The following SLC1A2 variants were observed in gnomAD, a reference collection of about 807,000 sequenced individuals.
SLC1A2 encodes solute carrier family 1 member 2.
SLC1A2 carries 15 observed loss-of-function variants against 48.8 expected under a neutral mutation model. That is an observed-to-expected ratio of 0.31 (90% confidence interval 0.21 to 0.47). The LOEUF (loss-of-function observed/expected upper bound fraction) is 0.47, where lower values mean the gene tolerates loss of function less well. SLC1A2 is among the 20% of genes least tolerant of loss of function. The pLI, the probability that SLC1A2 is intolerant of heterozygous loss-of-function variation, is 0.99. For missense variants in SLC1A2, 502 were observed against 730.5 expected, an observed-to-expected ratio of 0.69 and a Z score of 3.61; for synonymous variants, 279 against 272.6, an observed-to-expected ratio of 1.02 and a Z score of -0.23.
At chr11:35,268,210 C>T (rs10444271) in intron 9 of SLC1A2, among the ~76,000 whole-genome samples, 26,953 of 152,080 alleles carry the variant, frequency 0.18, 2,803 homozygotes, top group Admixed American at 0.26. Flanking sequence ...TGACCAATTG[C>T]AAAATTCCAA....
At chr11:35,312,998 A>G (rs1431375859) in intron 3 of SLC1A2, among the ~76,000 whole-genome samples, 1 of 152,196 alleles carries the variant, frequency 6.6e-6, no homozygotes, top group Admixed American at 6.5e-5. Context: ...TCTGTAACAA[A>G]TTTTTTGTCA....
At chr11:35,273,725 CTA>C (rs1215031188) in intron 9 of SLC1A2, among the ~76,000 whole-genome samples, 1 of 152,184 alleles carries the variant, frequency 6.6e-6, no homozygotes, top group African/African-American at 2.4e-5. Flanking sequence ...AGGACTGAGA[CTA>C]TGTTTCATTT....
chr11:35,274,935 G>C (rs1440906528), intron 9 of SLC1A2, among the ~76,000 whole-genome samples: 1 of 152,116 alleles, frequency 6.6e-6, no homozygotes, highest in Non-Finnish European at 1.5e-5. Context: ...TCAAAAAAAA[G>C]TAGAGGTGCT....
At chr11:35,270,477 A>G (rs1209899885) in intron 9 of SLC1A2, among the ~76,000 whole-genome samples, 1 of 152,234 alleles carries the variant, frequency 6.6e-6, no homozygotes, top group Non-Finnish European at 1.5e-5. Flanking sequence ...TAGTGAATTT[A>G]TTTATTCAAC....
At position 35,419,302 on chromosome 11, in the gene SLC1A2, A is replaced by C; in HGVS notation, c.-336T>G. ...GGCTGCAGGAGGGCGCACGCCGGCGATGCGCCCCTGCAGCCGCTGCCACCT... is the reference window on the plus strand; with the variant it reads ...GGCTGCAGGAGGGCGCACGCCGGCGCTGCGCCCCTGCAGCCGCTGCCACCT... On this transcript the variant is annotated 5_prime_UTR_variant, in exon 1 of 11. Coordinates refer to ENST00000278379, the MANE Select transcript of SLC1A2 (RefSeq NM_004171.4). This position sits in a 1 kb window ranked among gnomAD's most constrained non-coding sequence, Gnocchi z 5.4. 2.5e-5 allele frequency: 7 copies of C among 275,068 alleles called. No homozygotes were observed. The highest frequency in any genetic ancestry group is 6.5e-5 in the East Asian group (1 of 15,274). The allele number at this position is 275,068 out of a possible 1,614,324, so 17.0% of individuals were successfully genotyped here.
chr11:35,316,033 T>C (rs1851865861), intron 2 of SLC1A2: 1 of 152,270 alleles, frequency 6.6e-6, no homozygotes, highest in South Asian at 2.1e-4. Flanking sequence ...AATTTCCTCA[T>C]GGCTCACTCT....
chr11:35,347,934 G>T (rs1057509902), intron 1 of SLC1A2, among the ~76,000 whole-genome samples: 1 of 152,214 alleles, frequency 6.6e-6, no homozygotes, highest in Non-Finnish European at 1.5e-5. Context: ...GAAGCTGGTT[G>T]TTGTGAGCTT....
At chr11:35,366,229 A>T (rs539778059) in intron 1 of SLC1A2, among the ~76,000 whole-genome samples, 2 of 152,316 alleles carry the variant, frequency 1.3e-5, no homozygotes, top group South Asian at 4.1e-4. Flanking sequence ...TGCCACGTGA[A>T]TTCCTTTGGA....
At position 35,269,078 on chromosome 11, in the gene SLC1A2, C is replaced by T. The variant is rs540486236; in HGVS notation, c.1422-3320G>A. 9.2e-5 allele frequency among the ~76,000 whole-genome samples: 14 copies of T among 152,276 alleles called. No homozygotes were observed. The South Asian group carries it at 2.7e-3, about 29-fold the overall frequency. On this transcript the variant is annotated intron_variant, in intron 9 of 10. Coordinates refer to ENST00000278379, the MANE Select transcript of SLC1A2 (RefSeq NM_004171.4). ...TGGGACCATTGGGAGGTGATTAGGT[C>T]ACAAGGGTGGAGCCTTCATGAATGG... is the stretch of plus-strand genomic sequence containing the variant.
chr11:35,382,427 T>C (rs1157629939), intron 1 of SLC1A2, among the ~76,000 whole-genome samples: 6 of 152,246 alleles, frequency 3.9e-5, no homozygotes, highest in Non-Finnish European at 7.3e-5. Context: ...AGCTAACTTA[T>C]AATGGAACAT....
At chr11:35,326,135 G>A (rs1852243196) in intron 1 of SLC1A2, among the ~76,000 whole-genome samples, 1 of 152,144 alleles carries the variant, frequency 6.6e-6, no homozygotes, top group Admixed American at 6.5e-5. Context: ...AGGGAAGATG[G>A]AACGAGGAAC....
intron 1 of SLC1A2, among the ~76,000 whole-genome samples, chr11:35,329,748 A>G (rs1591480063): frequency 6.6e-6 from 1 of 151,852 alleles, no homozygotes; most frequent in South Asian, 2.1e-4. Flanking sequence ...TTCTACTCTA[A>G]CCATCCCGCC....
rs1950381210 is a variant in SLC1A2 at position 35,260,761 on chromosome 11, G to A, written c.*133C>T. On this transcript the variant is annotated 3_prime_UTR_variant, in exon 11 of 11. Transcript: ENST00000278379. ...CACTGACTCACAAGAGCTCCTCTAA[G>A]CCTCGGCTAACAGATTAAGTAAACA... The A allele has an allele frequency of 1.4e-6, 1 of 697,080 alleles. No individual in the cohort carries two copies. The highest frequency in any genetic ancestry group is 2.7e-5 in the East Asian group (1 of 36,934). The allele number at this position is 697,080 out of a possible 1,614,324, so 43.2% of individuals were successfully genotyped here.
intron 5 of SLC1A2, among the ~76,000 whole-genome samples, chr11:35,305,655 C>A (rs1031867998): frequency 6.6e-6 from 1 of 152,226 alleles, no homozygotes; most frequent in African/African-American, 2.4e-5. Context: ...TGTTTGCAGA[C>A]TAAGGGCTGT....
At chr11:35,317,187 A>G in intron 2 of SLC1A2, 190 bp downstream of exon 2, 1 of 565,658 alleles carries the variant, frequency 1.8e-6, no homozygotes, top group Non-Finnish European at 3.1e-6. Context: ...ACTAGAATCC[A>G]AAGGAGAATG....
At chr11:35,411,843 G>T (rs1161766863) in intron 1 of SLC1A2, among the ~76,000 whole-genome samples, 3 of 151,912 alleles carry the variant, frequency 2.0e-5, no homozygotes, top group Non-Finnish European at 4.4e-5. Flanking sequence ...ACTTTTTTAT[G>T]GTGACATTTT....
intron 1 of SLC1A2, among the ~76,000 whole-genome samples, chr11:35,345,632 C>T (rs1260053137): frequency 6.6e-6 from 1 of 152,110 alleles, no homozygotes; most frequent in African/African-American, 2.4e-5. Flanking sequence ...CCATGAAATA[C>T]CCACACAGCA....
At chr11:35,294,900 T>C (rs969570558) in intron 6 of SLC1A2, among the ~76,000 whole-genome samples, 8 of 152,162 alleles carry the variant, frequency 5.3e-5, no homozygotes, top group Non-Finnish European at 1.2e-4. Context: ...GGTTTATAAA[T>C]ATGGCAAGAA....
chr11:35,381,431 A>AGTT (rs1446620921), intron 1 of SLC1A2, among the ~76,000 whole-genome samples: 1 of 152,192 alleles, frequency 6.6e-6, no homozygotes, highest in African/African-American at 2.4e-5. Flanking sequence ...CAACCAAAAG[A>AGTT]TGGGGAGAGT....
Sources: gnomAD v4.1 joint callset for allele counts (sites outside exome capture counted in the v4.1 genomes callset) on GRCh38, gnomAD v4.1.1 for gene constraint, Gnocchi (gnomAD v3.1) non-coding constraint, MANE v1.5 for transcripts, NCBI Gene and HGNC (gene_info 2026-07-23, HGNC 2026-07-21) for gene names.